EFCAB8: variants seen among roughly 807,000 people sequenced by gnomAD.
The protein encoded by EFCAB8 is EF-hand calcium binding domain 8.
EFCAB8 carries 100 observed loss-of-function variants against 116.3 expected under a neutral mutation model. The ratio of observed to expected loss-of-function variants is 0.86; its 90% CI spans 0.73 to 1.02. The LOEUF (loss-of-function observed/expected upper bound fraction) is 1.02. Among genes scored for constraint, EFCAB8 ranks in the 50% least tolerant of loss-of-function variants. EFCAB8 has a pLI of 0.00. For synonymous variants in EFCAB8, 558 were observed against 567.9 expected, an observed-to-expected ratio of 0.98 and a Z score of 0.25; for missense variants, 1,320 against 1,416.9, an observed-to-expected ratio of 0.93 and a Z score of 1.10.
At chr20:32,888,947 T>C (rs528310665) in intron 6 of EFCAB8, among the ~76,000 whole-genome samples, 8 of 151,248 alleles carry the variant, frequency 5.3e-5, no homozygotes, top group Non-Finnish European at 1.2e-4. Context: ...AAGAGTTTGG[T>C]TGGTTTTTTT....
At position 32,918,591 on chromosome 20, in the gene EFCAB8, A is replaced by T. The variant is rs1052307806; in HGVS notation, c.2274+17A>T. 8 of 1,550,422 alleles carry T rather than the reference A, an allele frequency of 5.2e-6. No individual in the cohort carries two copies. In the African/African-American group the frequency reaches 1.1e-4, roughly 21 times the overall value. On this transcript the variant is annotated intron_variant, in intron 19 of 26. Transcript: ENST00000400522. ...CCCCAGCAGGTGGGAGCGAGAGCCC[A>T]ACCAGAAGGCTACCCTCACTCTCTA...
At chr20:32,893,352 G>A in intron 9 of EFCAB8, 54 bp downstream of exon 9, 5 of 1,546,976 alleles carry the variant, frequency 3.2e-6, no homozygotes, top group Non-Finnish European at 4.4e-6. Context: ...CTAGATGTGG[G>A]TGCTGAGGTC....
At chr20:32,948,824 A>T (rs1394564786) in intron 23 of EFCAB8, among the ~76,000 whole-genome samples, 1 of 152,186 alleles carries the variant, frequency 6.6e-6, no homozygotes, top group Non-Finnish European at 1.5e-5. Flanking sequence ...TTCTGATAAA[A>T]AACATTTAGC....
In EFCAB8 at chr20:32,863,763, A is replaced by G; in HGVS notation, c.-10-20A>G. On this transcript the variant is annotated intron_variant, in intron 1 of 26. Coordinates refer to ENST00000400522, the MANE Select transcript of EFCAB8 (RefSeq NM_001143967.2). ...CCTTACAACGACTGGAGTTAAGTTG[A>G]CTATGATTCCCTATTCTAGGTCAAG... 1 of 1,549,206 alleles carries G rather than the reference A, an allele frequency of 6.5e-7. No individual in the cohort carries two copies. Among genetic ancestry groups the G allele is most frequent in the Non-Finnish European group, 8.7e-7 (1 of 1,146,248 alleles).
At chr20:32,923,421 G>A (rs1005345389) in intron 20 of EFCAB8, among the ~76,000 whole-genome samples, 1 of 152,028 alleles carries the variant, frequency 6.6e-6, no homozygotes, top group African/African-American at 2.4e-5. Flanking sequence ...GGGAGGCGGA[G>A]GTTGCAGTGA....
rs369917049 is a variant in EFCAB8 at position 32,906,857 on chromosome 20, G to T, written c.1171G>T (p.Asp391Tyr). The change falls in exon 13 of 27, where the codon GAT becomes TAT. Residue 391 changes from aspartate to tyrosine, a missense_variant. Asp to Tyr is a radical substitution (Grantham distance 160, BLOSUM62 -3). Transcript: ENST00000400522. ...DRNFLVTGGYDAFIRLWNPFV... is the reference protein window; with the variant it reads ...DRNFLVTGGYYAFIRLWNPFV... ...CTTGACCACAGTGACTGGTGGCTAC[G>T]ATGCCTTCATCCGCCTGTGGAACCC... 1.3e-6 allele frequency: 2 copies of T among 1,501,228 alleles called. No individual in the cohort carries two copies. Among genetic ancestry groups the T allele is most frequent in the Admixed American group, 2.0e-5 (1 of 50,914 alleles). The allele number at this position is 1,501,228 out of a possible 1,614,324, so 93.0% of individuals were successfully genotyped here.
chr20:32,878,558 C>T (rs13037187), intron 4 of EFCAB8, 146 bp from the exon 5 acceptor site: 175,681 of 396,006 alleles, frequency 0.44, 46,166 homozygotes, highest in Non-Finnish European at 0.54. Context: ...TCGCCCAGGT[C>T]GGACTGCGGA....
chr20:32,917,067 G>C (rs575427032), intron 17 of EFCAB8: 133 of 531,048 alleles, frequency 2.5e-4, no homozygotes, highest in Non-Finnish European at 3.4e-5. Context: ...ATTACACATT[G>C]ACTATCTGTA....
chr20:32,893,274 A>G lies in EFCAB8; in HGVS notation c.859A>G (p.Ile287Val), dbSNP rs374092621. 121 of 1,551,822 alleles carry G rather than the reference A, an allele frequency of 7.8e-5. No homozygotes were observed. The African/African-American group carries it at 1.6e-3, about 20-fold the overall frequency. ...NMTSGLFNPR[I>V]LPRASKWDHW... ...GACCAGTGGGCTGTTCAACCCCCGT[A>G]TCCTCCCCAGGGCCTCCAAGTGGGG... Residue 287 changes from isoleucine (I) to valine (V), a missense_variant, in exon 9 of 27, where the codon ATC (isoleucine) becomes GTC (valine). Ile to Val is a conservative substitution (Grantham distance 29). Coordinates refer to ENST00000400522, the MANE Select transcript of EFCAB8 (RefSeq NM_001143967.2).
chr20:32,939,204 C>T (rs952472843), intron 22 of EFCAB8, among the ~76,000 whole-genome samples: 74 of 54,400 alleles, frequency 1.4e-3, no homozygotes, highest in East Asian at 4.3e-3. Context: ...TCTTTCTTTC[C>T]TCTCTCTCTC....
chr20:32,912,845 A>G lies in EFCAB8; in HGVS notation c.1837A>G (p.Lys613Glu), dbSNP rs377158656. The change falls in exon 17 of 27, where the codon AAG (lysine) becomes GAG (glutamate). Residue 613 changes from lysine (K) to glutamate (E), a missense_variant. Transcript: ENST00000400522. ...NKVFYVTGWS[K>E]RITHFLFHKT... ...AGTGTTCTATGTGACAGGATGGAGT[A>G]AGAGAATCACTCATTTCCTGTGAGT... 36 of 719,026 alleles carry G rather than the reference A, an allele frequency of 5.0e-5. No individual in the cohort carries two copies. In the Middle Eastern group the frequency reaches 9.1e-4, roughly 18 times the overall value. 44.5% of individuals were successfully genotyped at this position (719,026 alleles called of 1,614,324 possible).
chr20:32,893,845 G>GC (rs1986033603), intron 9 of EFCAB8, among the ~76,000 whole-genome samples: 1 of 152,060 alleles, frequency 6.6e-6, no homozygotes, highest in African/African-American at 2.4e-5. Flanking sequence ...CCCATAATCC[G>GC]CCCCTACTGT....
At chr20:32,866,745 C>T (rs1385159993) in intron 2 of EFCAB8, among the ~76,000 whole-genome samples, 1 of 150,752 alleles carries the variant, frequency 6.6e-6, no homozygotes, top group Non-Finnish European at 1.5e-5. Flanking sequence ...TCCTTCCTTC[C>T]TTCCCTCCCT....
intron 22 of EFCAB8, among the ~76,000 whole-genome samples, chr20:32,934,836 A>G (rs1485631595): frequency 1.3e-5 from 2 of 152,158 alleles, no homozygotes; most frequent in African/African-American, 2.4e-5. Context: ...TGGAACTGTG[A>G]GTCCATTAAA....
chr20:32,916,766 A>G (rs997860350), intron 17 of EFCAB8, among the ~76,000 whole-genome samples: 7 of 152,150 alleles, frequency 4.6e-5, no homozygotes, highest in African/African-American at 1.7e-4. Context: ...TATAAAGTAT[A>G]TTCAGTGCTG....
rs532299766 is a variant in EFCAB8, at chr20:32,952,181, C to T, written c.2960-6240C>T. Among the ~76,000 whole-genome samples, 46 of 152,166 alleles carry T rather than the reference C, an allele frequency of 3.0e-4. No individual in the cohort carries two copies. In the South Asian group the frequency reaches 6.9e-3, roughly 23 times the overall value. On this transcript the variant is annotated intron_variant, in intron 23 of 26. Transcript: ENST00000400522. Reference sequence around the variant, plus strand: ...TCAGGAGGCTGAGGCAGGAGGATTGCTTGAGCCCGGGAGGTTGAAGATGCA... The same window carrying T: ...TCAGGAGGCTGAGGCAGGAGGATTGTTTGAGCCCGGGAGGTTGAAGATGCA...
rs1309209182 is a variant in EFCAB8, at chr20:32,898,599, C to T, written c.1064C>T (p.Pro355Leu). The T allele has an allele frequency of 1.4e-6, 1 of 718,566 alleles. No homozygotes were observed. The highest frequency in any genetic ancestry group is 1.7e-5 in the African/African-American group (1 of 57,212). 44.5% of individuals were successfully genotyped at this position (718,566 alleles called of 1,614,324 possible). ...TCCTCTCTGGTGCTGACAATATTGC[C>T]AGCCAAAGCCTCTAAGAAACCCAGG... ...EKSSLVLTIL[P>L]AKASKKPRLS... is the part of the protein sequence containing the mutation. The change falls in exon 11 of 27, where the codon CCA becomes CTA. Residue 355 changes from proline to leucine, a missense_variant. Pro to Leu is a moderately conservative substitution (Grantham distance 98). Coordinates refer to ENST00000400522, the MANE Select transcript of EFCAB8 (RefSeq NM_001143967.2).
chr20:32,898,434 G>A, intron 10 of EFCAB8, 59 bp from the exon 11 acceptor site: 2 of 696,862 alleles, frequency 2.9e-6, no homozygotes, highest in South Asian at 3.0e-5. Flanking sequence ...TGTTCTGGGG[G>A]CTGGGCCTAG....
intron 3 of EFCAB8, among the ~76,000 whole-genome samples, chr20:32,875,611 T>C (rs1197258826): frequency 6.6e-6 from 1 of 150,844 alleles, no homozygotes; most frequent in Non-Finnish European, 1.5e-5. Flanking sequence ...TTCAAGGGAT[T>C]CTCCTGCCTC....
Sources: allele counts gnomAD v4.1 joint callset (sites outside exome capture counted in the v4.1 genomes callset), GRCh38; gene constraint gnomAD v4.1.1; transcripts MANE v1.5; gene names NCBI Gene and HGNC (gene_info 2026-07-23, HGNC 2026-07-21).